Variants in TUT7 observed in about 807,000 individuals in gnomAD.
TUT7 encodes terminal uridylyl transferase 7.
In TUT7, 33 loss-of-function variants were observed where a neutral mutation model predicts 165.9. The observed-to-expected ratio is 0.20, with a 90% CI of 0.15 to 0.27. The LOEUF (loss-of-function observed/expected upper bound fraction) is 0.27. Ranked by LOEUF, TUT7 falls within the 10% of genes least tolerant of loss-of-function variation. TUT7 has a pLI of 1.00. For missense variants in TUT7, 1,338 were observed against 1,762.3 expected (o/e 0.76, Z 4.31); for synonymous variants, 552 against 608.1 (o/e 0.91, Z 1.36).
At chr9:86,343,230 ACTG>A in intron 5 of TUT7, 67 bp from the exon 6 acceptor site, 7 of 983,716 alleles carry the variant, frequency 7.1e-6, no homozygotes, top group South Asian at 2.0e-5. Flanking sequence ...ATAACAAAAC[ACTG>A]CTATTTCAGA....
intron 18 of TUT7, 32 bp downstream of exon 18, chr9:86,310,672 CCT>C (rs773225211): frequency 1.7e-6 from 2 of 1,209,762 alleles, no homozygotes; most frequent in Admixed American, 3.5e-5. Flanking sequence ...GTTCCCTTAA[CCT>C]CTCTAAACAA....
chr9:86,343,156 G>A lies in TUT7; in HGVS notation c.1005C>T (p.Ser335=). The change falls in exon 6 of 27, where the codon TCC becomes TCT. Residue 335 remains serine, a synonymous_variant. Transcript: ENST00000375963. ...NVFQHKLPDC[S]LRLYGSSCSR... ...TACAGGATGACCCATATAATCTTAG[G>A]GAACAATCTAAAAAATAAATAAATA... The A allele has an allele frequency of 6.5e-7, 1 of 1,537,692 alleles. No homozygotes were observed. Among genetic ancestry groups the A allele is most frequent in the Non-Finnish European group, 8.8e-7 (1 of 1,141,668 alleles).
intron 11 of TUT7, among the ~76,000 whole-genome samples, chr9:86,325,829 G>A (rs979940034): frequency 6.6e-6 from 1 of 152,154 alleles, no homozygotes; most frequent in Non-Finnish European, 1.5e-5. Flanking sequence ...ACTGTGCATG[G>A]GTTGCTAATA....
At chr9:86,309,428 T>G in intron 20 of TUT7, 35 bp downstream of exon 20, 2 of 1,562,578 alleles carry the variant, frequency 1.3e-6, no homozygotes, top group Non-Finnish European at 1.7e-6. Context: ...ATCACCAGTT[T>G]TCCAGATAAG....
chr9:86,327,794 T>C (rs1587953625), intron 11 of TUT7, among the ~76,000 whole-genome samples: 1 of 152,366 alleles, frequency 6.6e-6, no homozygotes, highest in African/African-American at 2.4e-5. Context: ...TTGTGGATGT[T>C]ACTGTCAATT....
intron 4 of TUT7, 62 bp from the exon 5 acceptor site, chr9:86,345,216 C>T: frequency 3.3e-6 from 5 of 1,496,092 alleles, no homozygotes; most frequent in Non-Finnish European, 4.5e-6. Flanking sequence ...TTCTACCACT[C>T]ATGAAGACAA....
intron 21 of TUT7, 98 bp from the exon 22 acceptor site, chr9:86,308,704 A>G: frequency 9.8e-7 from 1 of 1,025,194 alleles, no homozygotes; most frequent in Middle Eastern, 2.2e-4. Flanking sequence ...ATTTATTTCT[A>G]ATTAACTAGA....
chr9:86,340,953 C>A, intron 7 of TUT7, 49 bp downstream of exon 7: 1 of 1,423,758 alleles, frequency 7.0e-7, no homozygotes, highest in South Asian at 1.2e-5. Flanking sequence ...AAGATAGATC[C>A]AAATTATAGA....
At chr9:86,334,143 C>A (rs1159059952) in intron 10 of TUT7, among the ~76,000 whole-genome samples, 1 of 152,162 alleles carries the variant, frequency 6.6e-6, no homozygotes, top group Non-Finnish European at 1.5e-5. Context: ...AGCAGTGGAG[C>A]TAGGTACCTC....
chr9:86,292,267 G>T (rs1825956044), intron 26 of TUT7, among the ~76,000 whole-genome samples: 2 of 152,032 alleles, frequency 1.3e-5, no homozygotes, highest in African/African-American at 2.4e-5. Flanking sequence ...ATTCACCAAG[G>T]AGAAACATAT....
At chr9:86,294,612 AAC>A (rs1181259899) in intron 26 of TUT7, among the ~76,000 whole-genome samples, 2 of 151,974 alleles carry the variant, frequency 1.3e-5, no homozygotes, top group African/African-American at 4.8e-5. Context: ...ATAGAAAAGG[AAC>A]AGTTTCATTC....
At chr9:86,312,541 G>C (rs1176730567) in intron 17 of TUT7, among the ~76,000 whole-genome samples, 2 of 151,006 alleles carry the variant, frequency 1.3e-5, no homozygotes, top group Non-Finnish European at 3.0e-5. Context: ...GGTGAGGGGC[G>C]CCTCTGCCCG....
At chr9:86,295,591 C>T (rs1054711469) in intron 26 of TUT7, among the ~76,000 whole-genome samples, 7 of 152,088 alleles carry the variant, frequency 4.6e-5, no homozygotes, top group Non-Finnish European at 1.0e-4. Context: ...CAAGAATGAT[C>T]TATATTCACT....
At chr9:86,300,965 T>C (rs898146273) in intron 26 of TUT7, among the ~76,000 whole-genome samples, 1 of 152,216 alleles carries the variant, frequency 6.6e-6, no homozygotes, top group African/African-American at 2.4e-5. Context: ...AAAGCTCAAG[T>C]TGCAGCTTCT....
At chr9:86,324,650 A>G (rs1235540818) in intron 12 of TUT7, 1 of 152,160 alleles carries the variant, frequency 6.6e-6, no homozygotes, top group African/African-American at 2.4e-5. Flanking sequence ...AGAGAATTCC[A>G]TTTAGGAGGT....
intron 26 of TUT7, among the ~76,000 whole-genome samples, chr9:86,299,644 C>T (rs1826695699): frequency 6.6e-6 from 1 of 152,152 alleles, no homozygotes. Flanking sequence ...ACCCGGACTA[C>T]CCGCCCCGCA....
intron 5 of TUT7, among the ~76,000 whole-genome samples, chr9:86,344,056 T>C (rs984890109): frequency 2.6e-5 from 4 of 152,342 alleles, no homozygotes; most frequent in African/African-American, 9.6e-5. Context: ...GAGATTATTT[T>C]CCCTTATTCT....
At chr9:86,294,760 T>C (rs982752441) in intron 26 of TUT7, among the ~76,000 whole-genome samples, 1 of 150,988 alleles carries the variant, frequency 6.6e-6, no homozygotes, top group Non-Finnish European at 1.5e-5. Context: ...TATTATTATA[T>C]TTTAAGTTTT....
Position 86,323,522 on chromosome 9 carries a change from T to C in TUT7, c.2228A>G (p.His743Arg). The change falls in exon 13 of 27, where the codon CAT (histidine) becomes CGT (arginine). Residue 743 changes from histidine (H) to arginine (R), a missense_variant. Transcript: ENST00000375963. The part of the protein sequence containing the change: ...SDDYKGDKVY[H>R]PETGRKNEKE... Reference sequence around the variant, plus strand: ...CTCGTTTTTCCTTCCTGTTTCTGGATGGTATACTTTATCACCCTTGTAATC... The same window carrying C: ...CTCGTTTTTCCTTCCTGTTTCTGGACGGTATACTTTATCACCCTTGTAATC... The C allele has an allele frequency of 1.2e-6, 2 of 1,614,238 alleles. 1 individual carries two copies. The highest frequency in any genetic ancestry group is 2.2e-5 in the South Asian group (2 of 91,082).
Sources: allele counts gnomAD v4.1 joint callset (sites outside exome capture counted in the v4.1 genomes callset), GRCh38; gene constraint gnomAD v4.1.1; transcripts MANE v1.5; gene names NCBI Gene and HGNC (gene_info 2026-07-23, HGNC 2026-07-21).